The following FNDC3B variants were observed in gnomAD, a reference collection of about 807,000 sequenced individuals.
The protein encoded by FNDC3B is fibronectin type III domain-containing protein 3B.
A neutral mutation model predicts 151.5 loss-of-function variants in FNDC3B; 12 were observed. The observed-to-expected ratio is 0.08, with a 90% CI of 0.05 to 0.13. FNDC3B has a LOEUF of 0.13. Among genes scored for constraint, FNDC3B ranks in the 10% least tolerant of loss-of-function variants. The pLI is 1.00. For synonymous variants in FNDC3B, 528 were observed against 549.0 expected (o/e 0.96, Z 0.54); for missense variants, 1,214 against 1,505.3 (o/e 0.81, Z 3.20).
intron 7 of FNDC3B, among the ~76,000 whole-genome samples, chr3:172,295,084 T>C (rs757583451): frequency 1.9e-4 from 29 of 152,228 alleles, no homozygotes; most frequent in Non-Finnish European, 2.2e-4. Flanking sequence ...TTTACTTACG[T>C]TAAAAAAAAA....
At chr3:172,235,335 C>G (rs1727095055) in intron 4 of FNDC3B, among the ~76,000 whole-genome samples, 2 of 152,056 alleles carry the variant, frequency 1.3e-5, no homozygotes. Flanking sequence ...CAGGGAAATA[C>G]AAAATTTCAG....
intron 9 of FNDC3B, among the ~76,000 whole-genome samples, chr3:172,304,787 C>G (rs995798941): frequency 6.6e-6 from 1 of 151,990 alleles, no homozygotes; most frequent in Non-Finnish European, 1.5e-5. Flanking sequence ...ATCCCAGCCA[C>G]TCAGGGGGCC....
intron 3 of FNDC3B, among the ~76,000 whole-genome samples, chr3:172,191,799 A>C (rs1345493388): frequency 6.6e-6 from 1 of 152,028 alleles, no homozygotes; most frequent in Non-Finnish European, 1.5e-5. Context: ...TTCTTGTGTC[A>C]GGCACTGTGT....
chr3:172,153,591 C>T (rs954396670), intron 3 of FNDC3B, among the ~76,000 whole-genome samples: 1 of 152,196 alleles, frequency 6.6e-6, no homozygotes, highest in Non-Finnish European at 1.5e-5. Flanking sequence ...GAGGGGAAAG[C>T]GCCTAACTAT....
chr3:172,152,710 A>T (rs1391950311), intron 3 of FNDC3B, among the ~76,000 whole-genome samples: 3 of 151,764 alleles, frequency 2.0e-5, no homozygotes, highest in Non-Finnish European at 4.4e-5. Flanking sequence ...GAAAAAAATC[A>T]CACTTCTTCT....
chr3:172,056,539 T>G (rs866733100), intron 1 of FNDC3B, among the ~76,000 whole-genome samples: 4 of 152,272 alleles, frequency 2.6e-5, no homozygotes, highest in Non-Finnish European at 4.4e-5. Context: ...AGTTTGGAAC[T>G]GTGCTGTGCA....
chr3:172,277,134 A>ATG (rs1729471860), intron 6 of FNDC3B, among the ~76,000 whole-genome samples: 2 of 148,994 alleles, frequency 1.3e-5, no homozygotes, highest in African/African-American at 2.6e-5. Flanking sequence ...TTGTGAAAAA[A>ATG]CGTGTGTGTG....
intron 1 of FNDC3B, among the ~76,000 whole-genome samples, chr3:172,075,134 T>G (rs1449812510): frequency 6.6e-6 from 1 of 152,214 alleles, no homozygotes; most frequent in African/African-American, 2.4e-5. Flanking sequence ...ATAAATAATA[T>G]AGTCCTTATT....
intron 23 of FNDC3B, among the ~76,000 whole-genome samples, chr3:172,368,997 C>A (rs1459803291): frequency 6.6e-6 from 1 of 152,096 alleles, no homozygotes; most frequent in Non-Finnish European, 1.5e-5. Context: ...GGCGACAGAG[C>A]AAGACTCCAT....
At chr3:172,347,547 A>G (rs1224739590) in intron 21 of FNDC3B, among the ~76,000 whole-genome samples, 186 bp downstream of exon 21, 1 of 152,222 alleles carries the variant, frequency 6.6e-6, no homozygotes, top group African/African-American at 2.4e-5. Context: ...CTTCTCTAGG[A>G]AATTCTGAAA....
intron 25 of FNDC3B, among the ~76,000 whole-genome samples, chr3:172,394,478 A>G (rs954362074): frequency 5.9e-5 from 9 of 152,226 alleles, no homozygotes; most frequent in Admixed American, 5.2e-4. Flanking sequence ...GAACAAATAT[A>G]TGCCAACAAA....
At chr3:172,048,332 T>A (rs1236533554) in intron 1 of FNDC3B, among the ~76,000 whole-genome samples, 2 of 152,198 alleles carry the variant, frequency 1.3e-5, no homozygotes, top group Admixed American at 1.3e-4. Context: ...AGTCATTCAA[T>A]GGGAAAGAAA....
intron 21 of FNDC3B, among the ~76,000 whole-genome samples, chr3:172,351,963 A>G (rs183612023): frequency 4.6e-5 from 7 of 152,314 alleles, no homozygotes; most frequent in Admixed American, 1.3e-4. Flanking sequence ...TATTCAAAGC[A>G]GGGGACTGGG....
chr3:172,285,113 A>G (rs1477058210), intron 6 of FNDC3B, among the ~76,000 whole-genome samples: 4 of 152,016 alleles, frequency 2.6e-5, no homozygotes, highest in African/African-American at 9.7e-5. Context: ...CCCTCGTGTT[A>G]TTAAAAGGCA....
At position 172,381,143 on chromosome 3, in the gene FNDC3B, A is replaced by G. The variant is rs368271036; in HGVS notation, c.3303+50A>G. 8.1e-6 allele frequency: 13 copies of G among 1,603,594 alleles called. No individual in the cohort carries two copies. In the Middle Eastern group the frequency reaches 5.0e-4, roughly 61 times the overall value. ...TGTGCAACTGAGTATGGCTGGCTCC[A>G]TGCCTCTGCTTATTGCTATGAATGA... On this transcript the variant is annotated intron_variant, in intron 25 of 25. Transcript: ENST00000415807.
At chr3:172,209,432 A>G (rs1272609382) in intron 3 of FNDC3B, among the ~76,000 whole-genome samples, 1 of 152,172 alleles carries the variant, frequency 6.6e-6, no homozygotes, top group African/African-American at 2.4e-5. Flanking sequence ...CAAGGCCGAG[A>G]GGAGCTTTAT....
At chr3:172,367,358 G>T (rs1424522217) in intron 23 of FNDC3B, among the ~76,000 whole-genome samples, 1 of 152,048 alleles carries the variant, frequency 6.6e-6, no homozygotes, top group Non-Finnish European at 1.5e-5. Flanking sequence ...CTTGCTAAGG[G>T]AGATAAATTA....
intron 3 of FNDC3B, among the ~76,000 whole-genome samples, chr3:172,217,043 G>C (rs1024941668): frequency 6.6e-6 from 1 of 151,046 alleles, no homozygotes; most frequent in Non-Finnish European, 1.5e-5. Context: ...CCCCCACATG[G>C]TTCTGTGCAC....
At chr3:172,211,926 T>C (rs1165086923) in intron 3 of FNDC3B, among the ~76,000 whole-genome samples, 1 of 152,242 alleles carries the variant, frequency 6.6e-6, no homozygotes, top group Non-Finnish European at 1.5e-5. Context: ...TTAAAGATGT[T>C]TATAAATGTT....
Sources: allele counts gnomAD v4.1 joint callset (sites outside exome capture counted in the v4.1 genomes callset), GRCh38; gene constraint gnomAD v4.1.1; transcripts MANE v1.5; gene names NCBI Gene and HGNC (gene_info 2026-07-23, HGNC 2026-07-21).